Variants in PCDHA9 observed in about 807,000 individuals in gnomAD.
The protein encoded by PCDHA9 is protocadherin alpha-9.
In PCDHA9, 62 loss-of-function variants were observed where a neutral mutation model predicts 62.0. The observed-to-expected ratio is 1.00, with a 90% CI of 0.81 to 1.23. The LOEUF (loss-of-function observed/expected upper bound fraction) is 1.23. Among genes scored for constraint, PCDHA9 ranks in the 50% most tolerant of loss-of-function variants. The pLI is 0.00. For missense variants in PCDHA9, 1,205 were observed against 1,249.8 expected, an observed-to-expected ratio of 0.96 and a Z score of 0.54; for synonymous variants, 557 against 567.6, an observed-to-expected ratio of 0.98 and a Z score of 0.27.
At chr5:140,890,776 A>G (rs1554184541) in intron 1 of PCDHA9, among the ~76,000 whole-genome samples, 1 of 152,316 alleles carries the variant, frequency 6.6e-6, no homozygotes, top group Non-Finnish European at 1.5e-5. Flanking sequence ...TTAAAACCCC[A>G]TAAGATATTA....
intron 1 of PCDHA9, among the ~76,000 whole-genome samples, chr5:140,898,157 G>A (rs1455235992): frequency 1.3e-5 from 2 of 152,162 alleles, no homozygotes; most frequent in South Asian, 4.1e-4. Context: ...CACGCTGATG[G>A]TGGTTTCTTT....
chr5:140,876,623 A>G (rs2056465121), intron 1 of PCDHA9: 1 of 1,614,086 alleles, frequency 6.2e-7, no homozygotes, highest in East Asian at 2.2e-5. Context: ...GCCAATGGAC[A>G]GGTCATCTGC....
chr5:140,968,511 C>T, intron 1 of PCDHA9: 2 of 1,614,198 alleles, frequency 1.2e-6, no homozygotes, highest in Non-Finnish European at 1.7e-6. Context: ...ATTCTGTACC[C>T]TACCTCAACC....
chr5:140,884,484 T>TA, intron 1 of PCDHA9: 1 of 1,613,922 alleles, frequency 6.2e-7, no homozygotes, highest in Non-Finnish European at 8.5e-7. Flanking sequence ...AAGCCCACTC[T>TA]AGTGTGCTCC....
intron 1 of PCDHA9, among the ~76,000 whole-genome samples, chr5:140,945,058 C>A (rs939271004): frequency 1.3e-5 from 2 of 151,996 alleles, no homozygotes; most frequent in Non-Finnish European, 2.9e-5. Flanking sequence ...AAAGAAAACC[C>A]TACAGACTCC....
At chr5:140,900,712 A>G (rs1408382305) in intron 1 of PCDHA9, among the ~76,000 whole-genome samples, 2 of 152,234 alleles carry the variant, frequency 1.3e-5, no homozygotes, top group Non-Finnish European at 2.9e-5. Context: ...TTGGAAAGAA[A>G]GGAAATCCTA....
At chr5:140,928,121 A>C in intron 1 of PCDHA9, 1 of 1,614,194 alleles carries the variant, frequency 6.2e-7, no homozygotes, top group Non-Finnish European at 8.5e-7. Flanking sequence ...CAGATCAGTG[A>C]ATACCAAGTC....
At chr5:140,884,321 G>A in intron 1 of PCDHA9, 1 of 1,613,854 alleles carries the variant, frequency 6.2e-7, no homozygotes, top group Non-Finnish European at 8.5e-7. Context: ...GGCGTCGGCA[G>A]GCGCTGTGGG....
chr5:140,862,658 G>A (rs547936781), intron 1 of PCDHA9: 19 of 545,608 alleles, frequency 3.5e-5, no homozygotes, highest in Admixed American at 1.9e-4. Flanking sequence ...GCGCGGGACC[G>A]GGACGCGCAG....
chr5:141,010,545 A>G lies in PCDHA9; in HGVS notation c.*608A>G. On this transcript the variant is annotated 3_prime_UTR_variant, in exon 4 of 4. Coordinates refer to ENST00000532602, the MANE Select transcript of PCDHA9 (RefSeq NM_031857.2). ...GGTGGCAGCCACCCTCTAGGAGACAAAACTACCCCCACTGACAAGGCTTTA... is the reference window on the plus strand; with the variant it reads ...GGTGGCAGCCACCCTCTAGGAGACAGAACTACCCCCACTGACAAGGCTTTA... 1 of 343,382 alleles carries G rather than the reference A, an allele frequency of 2.9e-6. No individual in the cohort carries two copies. 21.3% of individuals were successfully genotyped at this position (343,382 alleles called of 1,614,324 possible).
intron 1 of PCDHA9, chr5:140,967,458 A>T (rs1042156831): frequency 6.2e-7 from 1 of 1,613,546 alleles, no homozygotes; most frequent in Non-Finnish European, 8.5e-7. Flanking sequence ...ACAGCCGTGG[A>T]TGGGGGCATC....
chr5:140,928,399 T>C (rs1554205848), intron 1 of PCDHA9: 1 of 1,613,926 alleles, frequency 6.2e-7, no homozygotes, highest in African/African-American at 1.3e-5. Flanking sequence ...AGTGGAATCA[T>C]CCAGTGGGGC....
At chr5:140,872,584 G>A (rs183302964) in intron 1 of PCDHA9, among the ~76,000 whole-genome samples, 8 of 152,212 alleles carry the variant, frequency 5.3e-5, no homozygotes, top group Admixed American at 5.2e-4. Flanking sequence ...CTATCATCGT[G>A]AGACCCCCAT....
At chr5:140,874,881 C>T (rs1316593398) in intron 1 of PCDHA9, among the ~76,000 whole-genome samples, 3 of 152,102 alleles carry the variant, frequency 2.0e-5, no homozygotes, top group Non-Finnish European at 2.9e-5. Context: ...AATACAAATT[C>T]CTAACTTTCT....
intron 1 of PCDHA9, among the ~76,000 whole-genome samples, chr5:140,938,406 T>C (rs1283027205): frequency 6.6e-6 from 1 of 152,240 alleles, no homozygotes; most frequent in African/African-American, 2.4e-5. Flanking sequence ...ATTGTTTGAT[T>C]GGGTTTATTT....
rs782044159 is a variant in PCDHA9 at position 140,883,367 on chromosome 5, G to T, written c.2394+32478G>T. On this transcript the variant is annotated intron_variant, in intron 1 of 3. Transcript: ENST00000532602. Reference sequence around the variant, plus strand: ...CATCAGAGAAGACACTCAGCCTAGCGCCATTATTGCCCTAATCAGTGTGTC... The same window carrying T: ...CATCAGAGAAGACACTCAGCCTAGCTCCATTATTGCCCTAATCAGTGTGTC... The T allele has an allele frequency of 5.6e-6, 9 of 1,614,006 alleles. No homozygotes were observed. Among genetic ancestry groups the T allele is most frequent in the Non-Finnish European group, 7.6e-6 (9 of 1,180,038 alleles).
intron 1 of PCDHA9, chr5:140,926,964 C>G (rs149218057): frequency 1.9e-6 from 3 of 1,606,346 alleles, no homozygotes; most frequent in African/African-American, 2.7e-5. Flanking sequence ...AGCTCGAGTA[C>G]TCAGTGCCGG....
intron 3 of PCDHA9, among the ~76,000 whole-genome samples, chr5:140,985,672 G>A (rs1195009915): frequency 6.6e-6 from 1 of 151,738 alleles, no homozygotes. Flanking sequence ...AGGAAGTGGG[G>A]CCTGCCTTAC....
At position 140,849,972 on chromosome 5, in the gene PCDHA9, T is replaced by C. The variant is rs2150460905; in HGVS notation, c.1477T>C (p.Ser493Pro). The change falls in exon 1 of 4, where the codon TCG (serine) becomes CCG (proline). Residue 493 changes from serine (S) to proline (P), a missense_variant. Ser to Pro is a moderately conservative substitution (Grantham distance 74, BLOSUM62 -1). Around this residue, in one of 3 missense-constraint regions of PCDHA9, gnomAD observed 887 missense variants for 809.5 expected, o/e 1.10. Transcript: ENST00000532602. The stretch of plus-strand genomic sequence containing the variant: ...GCAGGAGAACGCCCTGGTGTCCTAC[T>C]CGCTGGTGGAGCGGCGGTTGGGCGA... ...DAQENALVSYSLVERRLGERS... is the reference protein window; with the variant it reads ...DAQENALVSYPLVERRLGERS... 4 of 1,597,588 alleles carry C rather than the reference T, an allele frequency of 2.5e-6. 1 individual carries two copies. Among genetic ancestry groups the C allele is most frequent in the Non-Finnish European group, 3.4e-6 (4 of 1,167,892 alleles).
Sources: gnomAD v4.1 joint callset for allele counts (sites outside exome capture counted in the v4.1 genomes callset) on GRCh38, gnomAD v4.1.1 for gene constraint, gnomAD v4.1.1 regional missense constraint, MANE v1.5 for transcripts, NCBI Gene and HGNC (gene_info 2026-07-23, HGNC 2026-07-21) for gene names.